Variants in MCU observed in about 807,000 individuals in gnomAD.
MCU encodes calcium uniporter protein, mitochondrial.
A neutral mutation model predicts 45.2 loss-of-function variants in MCU; 12 were observed. That is an observed-to-expected ratio of 0.27 (90% confidence interval 0.17 to 0.43). MCU has a LOEUF of 0.43. MCU is among the 20% of genes least tolerant of loss of function. The pLI, the probability that MCU is intolerant of heterozygous loss-of-function variation, is 1.00. For synonymous variants in MCU, 160 were observed against 165.1 expected (o/e 0.97, Z 0.24); for missense variants, 324 against 436.7 (o/e 0.74, Z 2.30).
intron 1 of MCU, among the ~76,000 whole-genome samples, chr10:72,809,119 A>C (rs1844499672): frequency 6.6e-6 from 1 of 152,224 alleles, no homozygotes; most frequent in Non-Finnish European, 1.5e-5. Context: ...AGAAGGACAA[A>C]AGATTGGAGG....
Position 72,886,046 on chromosome 10 carries a change from A to G in MCU, c.*224A>G. On this transcript the variant is annotated 3_prime_UTR_variant, in exon 8 of 8. Coordinates refer to ENST00000373053, the MANE Select transcript of MCU (RefSeq NM_138357.3). ...GGCTTAGTGAATATTGTCTTAACCA[A>G]GTATCTCAGTTTCTGGATGAAAATG... 1 of 458,016 alleles carries G rather than the reference A, an allele frequency of 2.2e-6. No homozygotes were observed. The highest frequency in any genetic ancestry group is 3.9e-6 in the Non-Finnish European group (1 of 256,714). 28.4% of individuals were successfully genotyped at this position (458,016 alleles called of 1,614,324 possible).
intron 1 of MCU, among the ~76,000 whole-genome samples, chr10:72,751,339 TTC>T (rs1373497752): frequency 6.9e-4 from 80 of 116,342 alleles, no homozygotes; most frequent in Non-Finnish European, 1.2e-3. Context: ...CTTCTTCTTC[TTC>T]TTTTTTTTTT....
chr10:72,838,883 T>G (rs73286797), intron 2 of MCU, among the ~76,000 whole-genome samples: 3 of 152,146 alleles, frequency 2.0e-5, no homozygotes, highest in African/African-American at 7.2e-5. Context: ...ATGCTCCAGC[T>G]TTTTTTGTTT....
intron 6 of MCU, among the ~76,000 whole-genome samples, chr10:72,879,560 G>C (rs887970699): frequency 6.6e-6 from 1 of 152,210 alleles, no homozygotes; most frequent in South Asian, 2.1e-4. Flanking sequence ...GTCACCATCA[G>C]ATCTGCACTA....
intron 5 of MCU, among the ~76,000 whole-genome samples, chr10:72,869,287 CAAT>C (rs1371087956): frequency 6.6e-6 from 1 of 152,100 alleles, no homozygotes; most frequent in Non-Finnish European, 1.5e-5. Flanking sequence ...GGGAAAAAAA[CAAT>C]AAAACATAAC....
chr10:72,827,014 A>G (rs1171840701), intron 1 of MCU, among the ~76,000 whole-genome samples: 1 of 152,190 alleles, frequency 6.6e-6, no homozygotes. Context: ...ATTAAACTTT[A>G]TCCATAGGTA....
intron 2 of MCU, among the ~76,000 whole-genome samples, chr10:72,837,559 A>T (rs1281026111): frequency 6.6e-6 from 1 of 152,260 alleles, no homozygotes; most frequent in African/African-American, 2.4e-5. Flanking sequence ...ATGTAGAAAC[A>T]GTACTTATTC....
intron 1 of MCU, among the ~76,000 whole-genome samples, chr10:72,753,388 GT>G (rs1300448114): frequency 6.6e-6 from 1 of 152,116 alleles, no homozygotes; most frequent in African/African-American, 2.4e-5. Flanking sequence ...GTACAATATA[GT>G]TTATAAACTG....
chr10:72,693,064 A>G (rs1415369003), intron 1 of MCU: 3 of 1,536,036 alleles, frequency 2.0e-6, no homozygotes, highest in South Asian at 1.2e-5. Context: ...AGAAGCGAAT[A>G]TGGTAAGTTG....
chr10:72,850,895 A>T (rs963150449), intron 2 of MCU, among the ~76,000 whole-genome samples: 2 of 152,236 alleles, frequency 1.3e-5, no homozygotes, highest in African/African-American at 4.8e-5. Flanking sequence ...TTATACTTTA[A>T]AAGAATATTT....
intron 1 of MCU, among the ~76,000 whole-genome samples, chr10:72,792,145 G>T (rs944173573): frequency 6.6e-6 from 1 of 152,166 alleles, no homozygotes; most frequent in African/African-American, 2.4e-5. Context: ...TATTTGCAGG[G>T]CACCAAGCAA....
intron 1 of MCU, among the ~76,000 whole-genome samples, chr10:72,703,137 A>C (rs1018578809): frequency 3.9e-5 from 6 of 152,230 alleles, no homozygotes; most frequent in African/African-American, 1.4e-4. Context: ...GAGTATGCGC[A>C]AGAATAGCTG....
chr10:72,833,713 A>C (rs1292348720), intron 1 of MCU, among the ~76,000 whole-genome samples: 1 of 152,238 alleles, frequency 6.6e-6, no homozygotes, highest in African/African-American at 2.4e-5. Flanking sequence ...AACATGGTTT[A>C]GTTATGAGAA....
At chr10:72,753,866 A>C (rs1843536540) in intron 1 of MCU, among the ~76,000 whole-genome samples, 1 of 152,018 alleles carries the variant, frequency 6.6e-6, no homozygotes, top group African/African-American at 2.4e-5. Context: ...GTGACAGAGC[A>C]AGAAGACTTT....
At chr10:72,828,612 G>A (rs1403709145) in intron 1 of MCU, among the ~76,000 whole-genome samples, 1 of 152,056 alleles carries the variant, frequency 6.6e-6, no homozygotes, top group African/African-American at 2.4e-5. Flanking sequence ...GGAGTATACT[G>A]TTGAGTTTGC....
intron 1 of MCU, chr10:72,692,688 CT>C: frequency 1.6e-6 from 2 of 1,219,404 alleles, no homozygotes; most frequent in Non-Finnish European, 2.0e-6. Flanking sequence ...CCTTTCCCTC[CT>C]CCTCCGGGCG....
intron 2 of MCU, 84 bp from the exon 3 acceptor site, chr10:72,859,093 A>C: frequency 8.0e-7 from 1 of 1,244,556 alleles, no homozygotes; most frequent in South Asian, 1.6e-5. Flanking sequence ...CTAATAATAG[A>C]CCCCCATGCA....
intron 1 of MCU, 34 bp from the exon 2 acceptor site, chr10:72,834,325 T>C (rs1844923811): frequency 6.5e-7 from 1 of 1,548,000 alleles, no homozygotes; most frequent in African/African-American, 1.4e-5. Flanking sequence ...TGTTGTTCCA[T>C]TCTGACAGTA....
chr10:72,782,042 T>A (rs1416150101), intron 1 of MCU, among the ~76,000 whole-genome samples: 1 of 152,150 alleles, frequency 6.6e-6, no homozygotes, highest in African/African-American at 2.4e-5. Context: ...AGTCCCCAGA[T>A]CATGAGTCTC....
Sources: allele counts gnomAD v4.1 joint callset (sites outside exome capture counted in the v4.1 genomes callset), GRCh38; gene constraint gnomAD v4.1.1; transcripts MANE v1.5; gene names NCBI Gene and HGNC (gene_info 2026-07-23, HGNC 2026-07-21).